Variants in CEP70 observed in about 807,000 individuals in gnomAD.
CEP70 encodes centrosomal protein of 70 kDa.
A neutral mutation model predicts 90.9 loss-of-function variants in CEP70; 70 were observed. The observed-to-expected ratio is 0.77, with a 90% CI of 0.64 to 0.94. The LOEUF is 0.94. Ranked by LOEUF, CEP70 falls within the 40% of genes least tolerant of loss-of-function variation. CEP70 has a pLI of 0.00. For synonymous variants in CEP70, 220 were observed against 228.3 expected (o/e 0.96, Z 0.33); for missense variants, 648 against 669.0 (o/e 0.97, Z 0.35).
At position 138,570,443 on chromosome 3, in the gene CEP70, C is replaced by A; in HGVS notation, c.340G>T (p.Asp114Tyr). The stretch of plus-strand genomic sequence containing the variant: ...ACACTTTCCATAATTTGTTCCAAGT[C>A]ATTAGCTCGTTGTTCTTGATTGGCT... ...RAANQEQRAN[D>Y]LEQIMESVKS... The change falls in exon 6 of 18, where the codon GAC (aspartate) becomes TAC (tyrosine). Residue 114 changes from aspartate (D) to tyrosine (Y), a missense_variant. Transcript: ENST00000264982. 6.2e-7 allele frequency: 1 copy of A among 1,610,220 alleles called. No individual in the cohort carries two copies. The highest frequency in any genetic ancestry group is 8.5e-7 in the Non-Finnish European group (1 of 1,178,830).
intron 6 of CEP70, among the ~76,000 whole-genome samples, chr3:138,548,670 G>C (rs1408260622): frequency 2.6e-5 from 4 of 152,186 alleles, no homozygotes; most frequent in Non-Finnish European, 4.4e-5. Flanking sequence ...AACAAGACAT[G>C]GAAATTCTAG....
intron 6 of CEP70, among the ~76,000 whole-genome samples, chr3:138,566,460 T>C (rs2040795886): frequency 6.6e-6 from 1 of 151,992 alleles, no homozygotes; most frequent in South Asian, 2.1e-4. Flanking sequence ...ATAAAGAAAA[T>C]GTGGCACATA....
intron 6 of CEP70, among the ~76,000 whole-genome samples, chr3:138,549,894 T>C (rs999498679): frequency 6.6e-6 from 1 of 152,116 alleles, no homozygotes; most frequent in Non-Finnish European, 1.5e-5. Flanking sequence ...AAGGACTCTG[T>C]GCAGATAATC....
rs1280158936 is a variant in CEP70 at position 138,570,246 on chromosome 3, G to A, written c.465+72C>T. ...AAAAACCACTGAATCAAACAACATG[G>A]AAGTCACCTGGGACCATAATGAGCT... On this transcript the variant is annotated intron_variant, in intron 6 of 17. Coordinates refer to ENST00000264982, the MANE Select transcript of CEP70 (RefSeq NM_024491.4). 5 of 983,324 alleles carry A rather than the reference G, an allele frequency of 5.1e-6. No homozygotes were observed. In the African/African-American group the frequency reaches 6.8e-5, roughly 13 times the overall value. The allele number at this position is 983,324 out of a possible 1,614,324, so 60.9% of individuals were successfully genotyped here.
chr3:138,590,398 G>A (rs1485581238), intron 2 of CEP70, among the ~76,000 whole-genome samples: 1 of 152,044 alleles, frequency 6.6e-6, no homozygotes, highest in Non-Finnish European at 1.5e-5. Context: ...ACAGATACAG[G>A]TATCCTAGCT....
In CEP70 at chr3:138,495,081, A is replaced by G. The variant is rs370444091; in HGVS notation, c.1733-5T>C. The G allele has an allele frequency of 9.2e-6, 14 of 1,529,868 alleles. No homozygotes were observed. Among genetic ancestry groups the G allele is most frequent in the Non-Finnish European group, 1.3e-5 (14 of 1,106,456 alleles). The allele number at this position is 1,529,868 out of a possible 1,614,324, so 94.8% of individuals were successfully genotyped here. On this transcript the variant is annotated splice_polypyrimidine_tract_variant and splice_region_variant and intron_variant, in intron 17 of 17. Transcript: ENST00000264982. ...TGGCATCCAAGTCATCAATTTCTGT[A>G]ATACAAAAACAGTAATAATAAAAGA...
At chr3:138,532,750 A>T (rs902429743) in intron 7 of CEP70, among the ~76,000 whole-genome samples, 180 bp from the exon 8 acceptor site, 1 of 152,248 alleles carries the variant, frequency 6.6e-6, no homozygotes, top group African/African-American at 2.4e-5. Flanking sequence ...ATGTTATATT[A>T]ATTTCAAAGT....
intron 1 of CEP70, chr3:138,593,986 G>A (rs1272270877): frequency 6.6e-6 from 1 of 152,378 alleles, no homozygotes; most frequent in Non-Finnish European, 1.5e-5. Context: ...AGAAGCCAAA[G>A]AACACAAAGC....
intron 6 of CEP70, among the ~76,000 whole-genome samples, chr3:138,552,284 A>G (rs1251415092): frequency 6.6e-6 from 1 of 152,210 alleles, no homozygotes; most frequent in East Asian, 1.9e-4. Flanking sequence ...GAAAATCAAC[A>G]AAGAAACAAT....
intron 7 of CEP70, among the ~76,000 whole-genome samples, chr3:138,533,444 G>A (rs1289668348): frequency 1.3e-5 from 2 of 152,172 alleles, no homozygotes; most frequent in African/African-American, 4.8e-5. Flanking sequence ...AAAGTTAGAT[G>A]TGAATATGTA....
intron 2 of CEP70, among the ~76,000 whole-genome samples, chr3:138,577,291 A>T (rs2108207657): frequency 6.6e-6 from 1 of 152,296 alleles, no homozygotes; most frequent in South Asian, 2.1e-4. Context: ...ACATGTATAC[A>T]TATGTAACAA....
rs767005373 is a variant in CEP70 at position 138,505,483 on chromosome 3, G to A, written c.1051-18C>T. Reference sequence around the variant, plus strand: ...CACAGCACCTTTAAAAAAACATAGTGTATATAGTCAAAATATTTATCCTAT... The same window carrying A: ...CACAGCACCTTTAAAAAAACATAGTATATATAGTCAAAATATTTATCCTAT... On this transcript the variant is annotated intron_variant, in intron 12 of 17. Transcript: ENST00000264982. 7.3e-6 allele frequency: 11 copies of A among 1,509,200 alleles called. No individual in the cohort carries two copies. The South Asian group carries it at 1.4e-4, about 19-fold the overall frequency. 93.5% of individuals were successfully genotyped at this position (1,509,200 alleles called of 1,614,324 possible). A position where few individuals can be genotyped will look rare whatever the true frequency, so the allele number is the denominator to read the frequency against.
At chr3:138,551,762 A>C (rs62280703) in intron 6 of CEP70, among the ~76,000 whole-genome samples, 1 of 150,030 alleles carries the variant, frequency 6.7e-6, no homozygotes, top group Non-Finnish European at 1.5e-5. Context: ...AAAAAAATAA[A>C]ATAAAACAAA....
intron 11 of CEP70, among the ~76,000 whole-genome samples, chr3:138,511,807 A>G (rs1052809074): frequency 6.6e-6 from 1 of 152,200 alleles, no homozygotes; most frequent in African/African-American, 2.4e-5. Context: ...CTATTTATAT[A>G]AGACAATGAT....
intron 11 of CEP70, 70 bp downstream of exon 11, chr3:138,525,408 TAAAATAAAAATA>T: frequency 4.2e-6 from 2 of 471,956 alleles, no homozygotes; most frequent in Middle Eastern, 7.0e-4. Flanking sequence ...TAAAGTATAA[TAAAATAAAAATA>T]AAAATAAAAA....
chr3:138,519,126 T>C (rs2036350061), intron 11 of CEP70, among the ~76,000 whole-genome samples: 1 of 151,912 alleles, frequency 6.6e-6, no homozygotes, highest in Non-Finnish European at 1.5e-5. Flanking sequence ...AAGAGAAGTT[T>C]AGAGAAAAAA....
intron 13 of CEP70, 32 bp downstream of exon 13, chr3:138,505,263 T>G: frequency 1.3e-6 from 2 of 1,531,932 alleles, no homozygotes; most frequent in Non-Finnish European, 1.8e-6. Flanking sequence ...CCAATAGATG[T>G]TCAAAGCATA....
At chr3:138,546,524 A>G (rs1034560374) in intron 6 of CEP70, among the ~76,000 whole-genome samples, 3 of 152,108 alleles carry the variant, frequency 2.0e-5, no homozygotes, top group African/African-American at 7.2e-5. Flanking sequence ...CAAGGTGGGC[A>G]GATCCCTTGA....
chr3:138,497,948 T>C (rs1391393661), intron 17 of CEP70, 83 bp downstream of exon 17: 25 of 1,570,020 alleles, frequency 1.6e-5, no homozygotes, highest in Non-Finnish European at 2.0e-5. Context: ...AAAATACTAA[T>C]CCAGTGACCA....
Sources: gnomAD v4.1 joint callset for allele counts (sites outside exome capture counted in the v4.1 genomes callset) on GRCh38, gnomAD v4.1.1 for gene constraint, MANE v1.5 for transcripts, NCBI Gene and HGNC (gene_info 2026-07-23, HGNC 2026-07-21) for gene names.